The following TFEC variants were observed in gnomAD, a reference collection of about 807,000 sequenced individuals.
TFEC encodes transcription factor EC.
A neutral mutation model predicts 41.6 loss-of-function variants in TFEC; 31 were observed. That is an observed-to-expected ratio of 0.74 (90% CI 0.56 to 1.01). The LOEUF (loss-of-function observed/expected upper bound fraction) is 1.01, where lower values mean the gene tolerates loss of function less well. TFEC is among the 50% of genes least tolerant of loss of function. The probability of loss-of-function intolerance (pLI) is 0.00; values close to 1 mark genes in which losing one functional copy is unlikely to be tolerated. For synonymous variants in TFEC, 143 were observed against 140.6 expected (o/e 1.02, Z -0.12); for missense variants, 402 against 404.1 (o/e 0.99, Z 0.04).
At position 116,136,585 on chromosome 7, in the gene TFEC, T is replaced by C. The variant is rs557709281; in HGVS notation, c.-69+23205A>G. Among the ~76,000 whole-genome samples, 3 of 152,064 alleles carry C rather than the reference T, an allele frequency of 2.0e-5. No individual in the cohort carries two copies. The South Asian group carries it at 6.2e-4, about 32-fold the overall frequency. ...TAAACATTTCACTATTAATAAATCATAGTATGTTTTCAATCTCAATAGAAA... is the reference window on the plus strand; with the variant it reads ...TAAACATTTCACTATTAATAAATCACAGTATGTTTTCAATCTCAATAGAAA... On this transcript the variant is annotated intron_variant, in intron 1 of 8. Transcript: ENST00000484212.
intron 3 of TFEC, among the ~76,000 whole-genome samples, chr7:116,066,657 T>C (rs1379088733): frequency 6.6e-6 from 1 of 152,076 alleles, no homozygotes; most frequent in Non-Finnish European, 1.5e-5. Flanking sequence ...GATGAAGCAA[T>C]TTAACCAAGT....
chr7:116,140,070 A>T (rs939771517), intron 1 of TFEC, among the ~76,000 whole-genome samples: 4 of 152,252 alleles, frequency 2.6e-5, no homozygotes, highest in Non-Finnish European at 4.4e-5. Flanking sequence ...GGTTAAGCAT[A>T]GCAGATGAAG....
chr7:115,936,147 A>T lies in TFEC; in HGVS notation c.*4404T>A, dbSNP rs1793217582. The stretch of plus-strand genomic sequence containing the variant: ...TTAAAATTCATACAAACAATAAAAC[A>T]TTGGAACATCAATGCACAATGATTA... On this transcript the variant is annotated 3_prime_UTR_variant, in exon 8 of 8. Transcript: ENST00000265440. 1 of 151,618 alleles carries T rather than the reference A, an allele frequency of 6.6e-6. No individual in the cohort carries two copies. The highest frequency in any genetic ancestry group is 1.5e-5 in the Non-Finnish European group (1 of 67,622). The allele number at this position is 151,618 out of a possible 1,614,324, so 9.4% of individuals were successfully genotyped here.
chr7:116,070,016 T>TA (rs1796788147), intron 3 of TFEC, among the ~76,000 whole-genome samples: 1 of 151,444 alleles, frequency 6.6e-6, no homozygotes, highest in Non-Finnish European at 1.5e-5. Context: ...TTGTAGAATA[T>TA]AAAAACATTA....
At chr7:115,995,746 G>A (rs1340842126) in intron 1 of TFEC, among the ~76,000 whole-genome samples, 1 of 152,166 alleles carries the variant, frequency 6.6e-6, no homozygotes, top group Non-Finnish European at 1.5e-5. Flanking sequence ...CCCTGACACG[G>A]CTCGGAGAGA....
intron 6 of TFEC, among the ~76,000 whole-genome samples, chr7:115,949,958 T>C (rs1279103305): frequency 1.3e-5 from 2 of 151,522 alleles, no homozygotes; most frequent in Non-Finnish European, 2.9e-5. Flanking sequence ...TCAAAAGTTC[T>C]CAGTTTTAAT....
intron 1 of TFEC, among the ~76,000 whole-genome samples, chr7:115,996,133 C>T (rs1388494586): frequency 6.6e-6 from 1 of 152,102 alleles, no homozygotes; most frequent in African/African-American, 2.4e-5. Context: ...GCCACCTATC[C>T]CCCAACCTAA....
At chr7:116,016,309 C>T (rs911518048) in intron 1 of TFEC, among the ~76,000 whole-genome samples, 3 of 152,178 alleles carry the variant, frequency 2.0e-5, no homozygotes, top group Admixed American at 6.5e-5. Context: ...ACTTTGTGAA[C>T]TGTCAGTGAG....
At position 115,964,017 on chromosome 7, in the gene TFEC, C is replaced by T. The variant is rs1468286623; in HGVS notation, c.268-7224G>A. On this transcript the variant is annotated intron_variant, in intron 3 of 7. Transcript: ENST00000265440. ...TTTTCACTACTTCTCTTCAACATAG[C>T]GTTGTAAGTTTTAGCCAGAATAATT... Among the ~76,000 whole-genome samples, 5 of 151,496 alleles carry T rather than the reference C, an allele frequency of 3.3e-5. No homozygotes were observed. The East Asian group carries it at 5.8e-4, about 18-fold the overall frequency.
intron 1 of TFEC, among the ~76,000 whole-genome samples, chr7:115,987,146 A>G (rs1793895838): frequency 6.6e-6 from 1 of 152,204 alleles, no homozygotes; most frequent in Non-Finnish European, 1.5e-5. Flanking sequence ...AGGAATTACA[A>G]AAGTTTAGCA....
chr7:116,149,434 G>C (rs1798715155), intron 1 of TFEC, among the ~76,000 whole-genome samples: 1 of 152,110 alleles, frequency 6.6e-6, no homozygotes, highest in Non-Finnish European at 1.5e-5. Flanking sequence ...AACTATTATA[G>C]TCTTATTAAG....
chr7:116,056,138 G>A (rs1796424295), intron 3 of TFEC, among the ~76,000 whole-genome samples: 1 of 152,010 alleles, frequency 6.6e-6, no homozygotes. Context: ...CCTTTCAAGA[G>A]ACTAGACATC....
At chr7:116,080,019 T>C (rs1446168018) in intron 3 of TFEC, among the ~76,000 whole-genome samples, 1 of 151,894 alleles carries the variant, frequency 6.6e-6, no homozygotes, top group African/African-American at 2.4e-5. Flanking sequence ...AACCTGGAAA[T>C]AAAGCCAAAT....
chr7:116,059,758 C>A (rs1177343453), intron 3 of TFEC, among the ~76,000 whole-genome samples: 1 of 151,858 alleles, frequency 6.6e-6, no homozygotes, highest in African/African-American at 2.4e-5. Flanking sequence ...CAGTAGACAT[C>A]AAAAAAGTAT....
At chr7:116,117,021 A>G (rs1798005401) in intron 1 of TFEC, among the ~76,000 whole-genome samples, 1 of 151,896 alleles carries the variant, frequency 6.6e-6, no homozygotes, top group Non-Finnish European at 1.5e-5. Flanking sequence ...AATAAACAGA[A>G]AAAGAGGATT....
At chr7:116,038,030 C>T (rs1452542117) in intron 3 of TFEC, among the ~76,000 whole-genome samples, 1 of 152,008 alleles carries the variant, frequency 6.6e-6, no homozygotes, top group Non-Finnish European at 1.5e-5. Context: ...AGTACATCTA[C>T]TTATCATTGC....
At chr7:116,015,811 G>A (rs760172363) in intron 1 of TFEC, among the ~76,000 whole-genome samples, 20 of 152,248 alleles carry the variant, frequency 1.3e-4, no homozygotes, top group Admixed American at 2.0e-4. Context: ...AAAGCAAAAT[G>A]TTGAAGGAAA....
At chr7:116,008,395 A>G (rs751785259) in intron 1 of TFEC, among the ~76,000 whole-genome samples, 24 of 152,314 alleles carry the variant, frequency 1.6e-4, no homozygotes, top group South Asian at 1.2e-3. Flanking sequence ...GCACATATAC[A>G]TATCAAAAAG....
Position 116,008,594 on chromosome 7 carries a change from A to G in TFEC, c.-73+22039T>C, listed in dbSNP as rs77593319. Among the ~76,000 whole-genome samples, 315 of 152,132 alleles carry G rather than the reference A, an allele frequency of 2.1e-3. 2 individuals carry two copies. The highest frequency in any genetic ancestry group is 7.2e-4 in the Non-Finnish European group (49 of 67,992). On this transcript the variant is annotated intron_variant, in intron 1 of 7. Transcript: ENST00000265440. ...ATTTTGGGGGGCTTATGAAACTACT[A>G]CCTCCTAGGTACCAACTCATAAAAG...
Sources: allele counts gnomAD v4.1 joint callset (sites outside exome capture counted in the v4.1 genomes callset), GRCh38; gene constraint gnomAD v4.1.1; transcripts MANE v1.5; gene names NCBI Gene and HGNC (gene_info 2026-07-23, HGNC 2026-07-21).